Variants in SGCZ observed in about 807,000 individuals in gnomAD.
SGCZ encodes the protein sarcoglycan zeta, also known as zeta-sarcoglycan.
SGCZ carries 40 observed loss-of-function variants against 41.3 expected under a neutral mutation model. The ratio of observed to expected loss-of-function variants is 0.97; its 90% CI spans 0.75 to 1.26. The LOEUF (loss-of-function observed/expected upper bound fraction) is 1.26. Ranked by LOEUF, SGCZ falls within the 50% of genes most tolerant of loss-of-function variation. SGCZ has a pLI of 0.00. For synonymous variants in SGCZ, 206 were observed against 137.5 expected (o/e 1.50, Z -3.49); for missense variants, 552 against 369.8 (o/e 1.49, Z -4.04).
chr8:14,941,909 C>T (rs1026330760), intron 1 of SGCZ, among the ~76,000 whole-genome samples: 2 of 150,734 alleles, frequency 1.3e-5, no homozygotes, highest in African/African-American at 2.4e-5. Flanking sequence ...AAAAGTAGTT[C>T]GAAGGAAAAA....
intron 4 of SGCZ, among the ~76,000 whole-genome samples, chr8:14,200,187 A>C (rs1805409335): frequency 6.6e-6 from 1 of 152,198 alleles, no homozygotes; most frequent in Admixed American, 6.5e-5. Context: ...TGAAAGCTTC[A>C]AATTACTAAA....
In SGCZ at chr8:15,196,140, G is replaced by A. The variant is rs1046939686; in HGVS notation, c.39+41445C>T. On this transcript the variant is annotated intron_variant, in intron 1 of 7. Transcript: ENST00000382080. ...TCTCGATCTCCTGACCTCGTGATCC[G>A]CCCGCCTCGGCCTCCCAAAGTGCTG... is the stretch of plus-strand genomic sequence containing the variant. Among the ~76,000 whole-genome samples, 146 of 133,906 alleles carry A rather than the reference G, an allele frequency of 1.1e-3. 13 individuals are homozygous for A. Among genetic ancestry groups the A allele is most frequent in the African/African-American group, 4.0e-3 (142 of 35,402 alleles). 87.8% of individuals were successfully genotyped at this position (133,906 alleles called of 152,430 possible).
chr8:15,001,426 G>A (rs1013337977), intron 1 of SGCZ, among the ~76,000 whole-genome samples: 1 of 152,098 alleles, frequency 6.6e-6, no homozygotes, highest in Admixed American at 6.5e-5. Context: ...GCATTCTAGG[G>A]TGAATTAAAG....
intron 2 of SGCZ, among the ~76,000 whole-genome samples, chr8:14,401,568 G>A (rs1293735742): frequency 1.3e-5 from 2 of 150,616 alleles, no homozygotes; most frequent in Admixed American, 1.3e-4. Context: ...ATAGTTTACT[G>A]AGAATGATGA....
At chr8:14,966,216 G>C (rs1462675880) in intron 1 of SGCZ, among the ~76,000 whole-genome samples, 1 of 151,536 alleles carries the variant, frequency 6.6e-6, no homozygotes, top group Non-Finnish European at 1.5e-5. Context: ...ACTCCTATAA[G>C]AAAGAAAGGA....
intron 1 of SGCZ, among the ~76,000 whole-genome samples, chr8:15,180,522 T>C (rs1224485472): frequency 2.6e-5 from 4 of 151,982 alleles, no homozygotes; most frequent in African/African-American, 9.7e-5. Flanking sequence ...TCAAAAACAA[T>C]ACTCATTCTA....
chr8:15,069,457 G>C (rs571703576), intron 1 of SGCZ, among the ~76,000 whole-genome samples: 1 of 152,160 alleles, frequency 6.6e-6, no homozygotes, highest in East Asian at 1.9e-4. Context: ...TATACCTCAA[G>C]ATTTTCAAGA....
chr8:14,622,458 C>A (rs1334265378), intron 1 of SGCZ, among the ~76,000 whole-genome samples: 1 of 152,124 alleles, frequency 6.6e-6, no homozygotes, highest in Non-Finnish European at 1.5e-5. Flanking sequence ...GAGAGTGTTA[C>A]CAGCATCCAG....
At chr8:14,344,813 A>G (rs907060314) in intron 2 of SGCZ, among the ~76,000 whole-genome samples, 9 of 151,806 alleles carry the variant, frequency 5.9e-5, no homozygotes, top group African/African-American at 2.2e-4. Flanking sequence ...AGCAACATAA[A>G]CCCATCAAAA....
intron 4 of SGCZ, among the ~76,000 whole-genome samples, chr8:14,188,906 A>G (rs1804999925): frequency 6.9e-6 from 1 of 144,802 alleles, no homozygotes; most frequent in East Asian, 2.0e-4. Context: ...TTCTCGTCTC[A>G]TTGCAACCTC....
At chr8:14,342,776 C>T (rs944490274) in intron 2 of SGCZ, among the ~76,000 whole-genome samples, 1 of 152,168 alleles carries the variant, frequency 6.6e-6, no homozygotes, top group Non-Finnish European at 1.5e-5. Context: ...AAAATTCAAG[C>T]CGGCTGCAGA....
intron 4 of SGCZ, among the ~76,000 whole-genome samples, chr8:14,223,573 G>A (rs960519017): frequency 2.6e-5 from 4 of 151,806 alleles, no homozygotes; most frequent in Non-Finnish European, 5.9e-5. Flanking sequence ...GTGAGCTGTT[G>A]GAACTAACAG....
chr8:14,866,067 T>C (rs1331637691), intron 1 of SGCZ, among the ~76,000 whole-genome samples: 1 of 152,102 alleles, frequency 6.6e-6, no homozygotes, highest in Non-Finnish European at 1.5e-5. Context: ...TTTGTTCTCC[T>C]ATTTAGGCCT....
chr8:14,514,683 G>A (rs562226986), intron 2 of SGCZ, among the ~76,000 whole-genome samples: 127 of 147,012 alleles, frequency 8.6e-4, no homozygotes, highest in Admixed American at 2.0e-3. Context: ...ATATATATAC[G>A]TATATATTTA....
Position 14,563,887 on chromosome 8 carries a change from A to T in SGCZ, c.40-8961T>A, listed in dbSNP as rs570796736. ...AAAAATATAATTGATATAATTTTTT[A>T]AAAATATTACATTTAACAATTTATA... On this transcript the variant is annotated intron_variant, in intron 1 of 7. Transcript: ENST00000382080. Among the ~76,000 whole-genome samples the T allele has an allele frequency of 2.2e-3, 328 of 152,296 alleles. 5 individuals are homozygous for T. Among genetic ancestry groups the T allele is most frequent in the African/African-American group, 7.0e-3 (293 of 41,574 alleles).
chr8:14,797,840 C>A (rs1801187727), intron 1 of SGCZ, among the ~76,000 whole-genome samples: 1 of 152,154 alleles, frequency 6.6e-6, no homozygotes, highest in Non-Finnish European at 1.5e-5. Flanking sequence ...TTAAAGGGGC[C>A]AAGGTAAAGC....
chr8:15,040,331 C>T (rs895159131), intron 1 of SGCZ, among the ~76,000 whole-genome samples: 1 of 152,084 alleles, frequency 6.6e-6, no homozygotes, highest in Admixed American at 6.6e-5. Flanking sequence ...AAAGTGATTT[C>T]GTTGGCCGCG....
chr8:14,265,110 C>G (rs1399731345), intron 3 of SGCZ, among the ~76,000 whole-genome samples: 2 of 152,124 alleles, frequency 1.3e-5, no homozygotes, highest in African/African-American at 2.4e-5. Flanking sequence ...ACCAAACAGA[C>G]AAAATAAGGC....
intron 1 of SGCZ, among the ~76,000 whole-genome samples, chr8:15,197,041 C>A (rs1462920459): frequency 6.6e-6 from 1 of 152,198 alleles, no homozygotes; most frequent in Non-Finnish European, 1.5e-5. Flanking sequence ...AGCCAAGACT[C>A]AGAAATGACA....
Sources: gnomAD v4.1 joint callset for allele counts (sites outside exome capture counted in the v4.1 genomes callset) on GRCh38, gnomAD v4.1.1 for gene constraint, MANE v1.5 for transcripts, NCBI Gene and HGNC (gene_info 2026-07-23, HGNC 2026-07-21) for gene names.